OR2T6: variants seen among roughly 807,000 people sequenced by gnomAD.
The protein encoded by OR2T6 is olfactory receptor 2T6.
For synonymous variants in OR2T6, 174 were observed against 148.0 expected, an observed-to-expected ratio of 1.18 and a Z score of -1.27; for missense variants, 424 against 391.6, an observed-to-expected ratio of 1.08 and a Z score of -0.70.
intron 2 of OR2T6, among the ~76,000 whole-genome samples, chr1:248,386,172 T>G (rs1661133412): frequency 1.3e-5 from 2 of 152,092 alleles, no homozygotes; most frequent in African/African-American, 4.8e-5. Flanking sequence ...CACAGAAGGG[T>G]CCAAGAATTC....
In OR2T6 at chr1:248,388,708, T is replaced by A; in HGVS notation, c.*173T>A. The A allele has an allele frequency of 2.0e-6, 1 of 495,826 alleles. No homozygotes were observed. Among genetic ancestry groups the A allele is most frequent in the Non-Finnish European group, 3.5e-6 (1 of 284,708 alleles). The allele number at this position is 495,826 out of a possible 1,614,324, so 30.7% of individuals were successfully genotyped here. A position where few individuals can be genotyped will look rare whatever the true frequency, so the allele number is the denominator to read the frequency against. The stretch of plus-strand genomic sequence containing the variant: ...ACCCCCATCAAAAATGGGAAGTTGC[T>A]GTAACAGTCACACACAAATAATGCC... On this transcript the variant is annotated 3_prime_UTR_variant, in exon 3 of 3. Coordinates refer to ENST00000641644, the MANE Select transcript of OR2T6 (RefSeq NM_001005471.2).
At position 248,388,535 on chromosome 1, in the gene OR2T6, G is replaced by A; in HGVS notation, c.927G>A (p.Ter309=). 1.3e-6 allele frequency: 2 copies of A among 1,556,186 alleles called. No individual in the cohort carries two copies. Among genetic ancestry groups the A allele is most frequent in the Non-Finnish European group, 1.7e-6 (2 of 1,153,056 alleles). Residue 309 remains the stop codon, a stop_retained_variant, in exon 3 of 3, where the codon TAG becomes TAA. Coordinates refer to ENST00000641644, the MANE Select transcript of OR2T6 (RefSeq NM_001005471.2). The part of the protein sequence containing the change: ...GALKRVVARC[*] ...TGAAGAGAGTTGTGGCAAGATGTTA[G>A]GGGACATGTGGTGTGATGAGGAAAG...
At chr1:248,378,858 T>C (rs942459172) in intron 1 of OR2T6, among the ~76,000 whole-genome samples, 2 of 152,220 alleles carry the variant, frequency 1.3e-5, no homozygotes, top group African/African-American at 4.8e-5. Context: ...TATTTTACCA[T>C]TTTTATTGTT....
chr1:248,379,525 G>T (rs28541953), intron 1 of OR2T6, among the ~76,000 whole-genome samples: 2 of 151,944 alleles, frequency 1.3e-5, no homozygotes, highest in Non-Finnish European at 2.9e-5. Flanking sequence ...CTTTGAAGGG[G>T]GATAGAATGG....
rs1185801721 is a variant in OR2T6 at position 248,391,011 on chromosome 1, T to C, written c.*2476T>C. 2 of 152,238 alleles carry C rather than the reference T, an allele frequency of 1.3e-5. No homozygotes were observed. The highest frequency in any genetic ancestry group is 4.8e-5 in the African/African-American group (2 of 41,462). The allele number at this position is 152,238 out of a possible 1,614,324, so 9.4% of individuals were successfully genotyped here. ...GACTTTTATATTCAGTTTTTACAATTTCTTTCATTTCTATCGATCCGTTAC... is the reference window on the plus strand; with the variant it reads ...GACTTTTATATTCAGTTTTTACAATCTCTTTCATTTCTATCGATCCGTTAC... On this transcript the variant is annotated 3_prime_UTR_variant, in exon 3 of 3. Transcript: ENST00000641644.
At chr1:248,387,502 A>G (rs1661153508) in intron 2 of OR2T6, 103 bp from the exon 3 acceptor site, 1 of 691,022 alleles carries the variant, frequency 1.4e-6, no homozygotes. Context: ...GCTACATAAA[A>G]GATTTTAATC....
rs758224437 is a variant in OR2T6 at position 248,387,725 on chromosome 1, G to A, written c.117G>A (p.Met39Ile). 2 of 1,613,766 alleles carry A rather than the reference G, an allele frequency of 1.2e-6. No individual in the cohort carries two copies. The highest frequency in any genetic ancestry group is 2.2e-5 in the East Asian group (1 of 44,824). The change falls in exon 3 of 3, where the codon ATG (methionine) becomes ATA (isoleucine). Residue 39 changes from methionine (M) to isoleucine (I), a missense_variant. Met to Ile is a conservative substitution (Grantham distance 10, BLOSUM62 1). Transcript: ENST00000641644. The part of the protein sequence containing the change: ...GVICAVFFMA[M>I]IANGVMIFLI... Reference sequence around the variant, plus strand: ...TTTGTGCCGTCTTCTTCATGGCCATGATAGCTAATGGGGTCATGATCTTCC... The same window carrying A: ...TTTGTGCCGTCTTCTTCATGGCCATAATAGCTAATGGGGTCATGATCTTCC...
rs1376905977 is a variant in OR2T6, at chr1:248,387,866, C to T, written c.258C>T (p.Leu86=). ...TGCCCAAGATGCTGGTAGATTATCT[C>T]ATGGGCGAGGGGACCATCTCTTTCA... The part of the protein sequence containing the change: ...TIVPKMLVDY[L]MGEGTISFIA... The change falls in exon 3 of 3, where the codon CTC becomes CTT. Residue 86 remains leucine, a synonymous_variant. Coordinates refer to ENST00000641644, the MANE Select transcript of OR2T6 (RefSeq NM_001005471.2). The T allele has an allele frequency of 6.3e-7, 1 of 1,596,744 alleles. No individual in the cohort carries two copies. The highest frequency in any genetic ancestry group is 8.6e-7 in the Non-Finnish European group (1 of 1,168,234).
chr1:248,382,813 C>T (rs984132339), intron 1 of OR2T6, among the ~76,000 whole-genome samples: 3 of 152,160 alleles, frequency 2.0e-5, no homozygotes, highest in African/African-American at 7.2e-5. Context: ...GGTGAGCCAC[C>T]GTGCCCGGCC....
At chr1:248,383,613 G>T (rs1339895072) in intron 1 of OR2T6, among the ~76,000 whole-genome samples, 1 of 129,068 alleles carries the variant, frequency 7.7e-6, no homozygotes, top group Non-Finnish European at 1.5e-5. Flanking sequence ...CACTGCACTA[G>T]CCTGAGTGTG....
chr1:248,388,379 T>C lies in OR2T6; in HGVS notation c.771T>C (p.Tyr257=), dbSNP rs1483407332. The change falls in exon 3 of 3, where the codon TAT becomes TAC. Residue 257 remains tyrosine (Y), a synonymous_variant. Transcript: ENST00000641644. The part of the protein sequence containing the change: ...VVTLFYGAAL[Y]TYTLPQSYHT... ...CATTGTTCTATGGGGCTGCCTTGTA[T>C]ACGTATACGCTTCCCCAATCTTACC... 1.2e-6 allele frequency: 2 copies of C among 1,613,562 alleles called. No homozygotes were observed. The highest frequency in any genetic ancestry group is 1.7e-6 in the Non-Finnish European group (2 of 1,179,712).
intron 1 of OR2T6, among the ~76,000 whole-genome samples, chr1:248,378,446 C>T (rs1425806139): frequency 7.8e-6 from 1 of 128,606 alleles, no homozygotes; most frequent in Non-Finnish European, 1.5e-5. Flanking sequence ...TTACTCTTTA[C>T]CTCTAAGTTG....
rs762508817 is a variant in OR2T6 at position 248,388,059 on chromosome 1, G to A, written c.451G>A (p.Gly151Ser). ...GATGATCCTGGCCAGCTCTTGGTTC[G>A]GTGGGGCTTTGGACAGTTTTCTCCT... ...CWMILASSWF[G>S]GALDSFLLTP... Residue 151 changes from glycine to serine, a missense_variant, in exon 3 of 3, where the codon GGT becomes AGT. Transcript: ENST00000641644. 2.4e-5 allele frequency: 38 copies of A among 1,613,848 alleles called. No individual in the cohort carries two copies. Among genetic ancestry groups the A allele is most frequent in the African/African-American group, 5.3e-5 (4 of 74,858 alleles).
intron 1 of OR2T6, among the ~76,000 whole-genome samples, chr1:248,382,742 T>G (rs959933313): frequency 6.6e-6 from 1 of 152,132 alleles, no homozygotes; most frequent in African/African-American, 2.4e-5. Flanking sequence ...CAGGCTGGTC[T>G]TGAACTCCTG....
At position 248,388,408 on chromosome 1, in the gene OR2T6, C is replaced by G; in HGVS notation, c.800C>G (p.Thr267Ser). 6.2e-7 allele frequency: 1 copy of G among 1,613,776 alleles called. No individual in the cohort carries two copies. Among genetic ancestry groups the G allele is most frequent in the Non-Finnish European group, 8.5e-7 (1 of 1,179,812 alleles). ...TATACGCTTCCCCAATCTTACCACA[C>G]CCCAATCAAAGATAAGGTCTTCTCT... is the stretch of plus-strand genomic sequence containing the variant. ...YTYTLPQSYH[T>S]PIKDKVFSAF... Residue 267 changes from threonine to serine, a missense_variant, in exon 3 of 3, where the codon ACC becomes AGC. Physicochemically the swap from Thr to Ser is moderately conservative, Grantham distance 58 (BLOSUM62 1). Transcript: ENST00000641644.
chr1:248,387,677 C>T lies in OR2T6; in HGVS notation c.69C>T (p.Cys23=). ...TGGGGCTCTTCACTCACAATAAATG[C>T]TCAGGATTCTTTTTCGGTGTCATTT... ...TLMGLFTHNK[C]SGFFFGVICA... is the part of the protein sequence containing the mutation. Residue 23 remains cysteine, a synonymous_variant, in exon 3 of 3, where the codon TGC becomes TGT. Transcript: ENST00000641644. The T allele has an allele frequency of 6.2e-7, 1 of 1,613,560 alleles. No homozygotes were observed. The highest frequency in any genetic ancestry group is 8.5e-7 in the Non-Finnish European group (1 of 1,179,622).
Position 248,388,027 on chromosome 1 carries a change from T to A in OR2T6, c.419T>A (p.Val140Asp), listed in dbSNP as rs1661175903. The A allele has an allele frequency of 6.2e-7, 1 of 1,613,576 alleles. No individual in the cohort carries two copies. Among genetic ancestry groups the A allele is most frequent in the African/African-American group, 1.3e-5 (1 of 74,982 alleles). The change falls in exon 3 of 3, where the codon GTC becomes GAC. Residue 140 changes from valine to aspartate, a missense_variant. Val to Asp is a radical substitution (Grantham distance 152). Transcript: ENST00000641644. ...LRYPVLISWR[V>D]CWMILASSWF... ...TATCCTGTCCTCATCAGCTGGCGGG[T>A]CTGCTGGATGATCCTGGCCAGCTCT...
At position 248,388,419 on chromosome 1, in the gene OR2T6, G is replaced by A; in HGVS notation, c.811G>A (p.Asp271Asn). 4 of 1,613,730 alleles carry A rather than the reference G, an allele frequency of 2.5e-6. No individual in the cohort carries two copies. The highest frequency in any genetic ancestry group is 2.2e-5 in the South Asian group (2 of 91,034). The part of the protein sequence containing the change: ...LPQSYHTPIK[D>N]KVFSAFYTIL... Reference sequence around the variant, plus strand: ...CCAATCTTACCACACCCCAATCAAAGATAAGGTCTTCTCTGCCTTTTATAC... The same window carrying A: ...CCAATCTTACCACACCCCAATCAAAAATAAGGTCTTCTCTGCCTTTTATAC... Residue 271 changes from aspartate (D) to asparagine (N), a missense_variant, in exon 3 of 3, where the codon GAT becomes AAT. Physicochemically the swap from Asp to Asn is conservative, Grantham distance 23 (BLOSUM62 1). Coordinates refer to ENST00000641644, the MANE Select transcript of OR2T6 (RefSeq NM_001005471.2).
Position 248,388,751 on chromosome 1 carries a change from A to T in OR2T6, c.*216A>T. The T allele has an allele frequency of 2.3e-6, 1 of 441,652 alleles. No homozygotes were observed. The highest frequency in any genetic ancestry group is 4.0e-6 in the Non-Finnish European group (1 of 251,982). 27.4% of individuals were successfully genotyped at this position (441,652 alleles called of 1,614,324 possible). A position where few individuals can be genotyped will look rare whatever the true frequency, so the allele number is the denominator to read the frequency against. Reference sequence around the variant, plus strand: ...ATAATGCCAGAGTTCTAGAAACACCACTCATGTTTATTCTTCTTTTGTTTC... The same window carrying T: ...ATAATGCCAGAGTTCTAGAAACACCTCTCATGTTTATTCTTCTTTTGTTTC... On this transcript the variant is annotated 3_prime_UTR_variant, in exon 3 of 3. Coordinates refer to ENST00000641644, the MANE Select transcript of OR2T6 (RefSeq NM_001005471.2).
Sources: gnomAD v4.1 joint callset for allele counts (sites outside exome capture counted in the v4.1 genomes callset) on GRCh38, gnomAD v4.1.1 for gene constraint, MANE v1.5 for transcripts, NCBI Gene and HGNC (gene_info 2026-07-23, HGNC 2026-07-21) for gene names.